The following DOCK5 variants were observed in gnomAD, a reference collection of about 807,000 sequenced individuals.
The protein encoded by DOCK5 is dedicator of cytokinesis 5.
In DOCK5, 142 loss-of-function variants were observed where a neutral mutation model predicts 251.8. The ratio of observed to expected loss-of-function variants is 0.56; its 90% confidence interval spans 0.49 to 0.65. The LOEUF is 0.65. Among genes scored for constraint, DOCK5 ranks in the 30% least tolerant of loss-of-function variants. The pLI, the probability that DOCK5 is intolerant of heterozygous loss-of-function variation, is 0.00. For synonymous variants in DOCK5, 842 were observed against 835.5 expected, an observed-to-expected ratio of 1.01 and a Z score of -0.13; for missense variants, 2,111 against 2,312.3, an observed-to-expected ratio of 0.91 and a Z score of 1.79.
rs905849926 is a variant in DOCK5 at position 25,298,930 on chromosome 8, C to G, written c.607-14C>G. On this transcript the variant is annotated splice_polypyrimidine_tract_variant and intron_variant, in intron 7 of 51. Coordinates refer to ENST00000276440, the MANE Select transcript of DOCK5 (RefSeq NM_024940.8). ...CAAAATCAAGATGTTTTTCTCTGTT[C>G]CCTCTTTGTTCAGTCAATCCTGCAG... is the stretch of plus-strand genomic sequence containing the variant. The G allele has an allele frequency of 1.3e-6, 2 of 1,581,118 alleles. No individual in the cohort carries two copies. Among genetic ancestry groups the G allele is most frequent in the Non-Finnish European group, 1.7e-6 (2 of 1,166,688 alleles).
chr8:25,281,982 G>C (rs759844178), intron 5 of DOCK5, among the ~76,000 whole-genome samples: 1 of 151,206 alleles, frequency 6.6e-6, no homozygotes, highest in Non-Finnish European at 1.5e-5. Context: ...TTTGGTATTT[G>C]TGAATAATTT....
intron 28 of DOCK5, among the ~76,000 whole-genome samples, chr8:25,360,238 G>A (rs1800652380): frequency 6.6e-6 from 1 of 152,236 alleles, no homozygotes; most frequent in Admixed American, 6.5e-5. Flanking sequence ...GGAATTGGAA[G>A]GAAAGTGCTG....
intron 1 of DOCK5, among the ~76,000 whole-genome samples, chr8:25,205,772 T>C (rs1278773122): frequency 6.6e-6 from 1 of 152,172 alleles, no homozygotes; most frequent in Non-Finnish European, 1.5e-5. Context: ...TACTGAAGAC[T>C]TGTGCAAATA....
At chr8:25,355,454 A>G (rs531530432) in intron 27 of DOCK5, among the ~76,000 whole-genome samples, 30 of 152,224 alleles carry the variant, frequency 2.0e-4, no homozygotes, top group African/African-American at 4.6e-4. Context: ...TAACCTGTTT[A>G]TTTATTTTGT....
At chr8:25,250,286 G>T (rs1223415156) in intron 2 of DOCK5, among the ~76,000 whole-genome samples, 1 of 152,182 alleles carries the variant, frequency 6.6e-6, no homozygotes, top group Non-Finnish European at 1.5e-5. Context: ...AAGCAGAACT[G>T]ACTGAGAAGC....
chr8:25,193,975 C>T (rs1455109629), intron 1 of DOCK5, among the ~76,000 whole-genome samples: 1 of 151,882 alleles, frequency 6.6e-6, no homozygotes, highest in Non-Finnish European at 1.5e-5. Flanking sequence ...CAATGAGGAT[C>T]TACTGTAGTT....
chr8:25,196,732 C>G (rs1226069382), intron 1 of DOCK5, among the ~76,000 whole-genome samples: 1 of 152,142 alleles, frequency 6.6e-6, no homozygotes, highest in Non-Finnish European at 1.5e-5. Context: ...GTTTTTCTAA[C>G]TTCTAGCTTA....
At chr8:25,206,484 C>T (rs951963470) in intron 1 of DOCK5, among the ~76,000 whole-genome samples, 2 of 152,120 alleles carry the variant, frequency 1.3e-5, no homozygotes, top group African/African-American at 4.8e-5. Flanking sequence ...CTGAAAATTC[C>T]TGAAAATGTA....
At chr8:25,200,901 T>TTTCTTA (rs1554515769) in intron 1 of DOCK5, among the ~76,000 whole-genome samples, 3 of 151,272 alleles carry the variant, frequency 2.0e-5, no homozygotes, top group Non-Finnish European at 4.4e-5. Flanking sequence ...TAAATGGCTA[T>TTTCTTA]TTCTTCTTCT....
intron 11 of DOCK5, 89 bp from the exon 12 acceptor site, chr8:25,308,694 T>C (rs918098142): frequency 7.1e-7 from 1 of 1,416,110 alleles, no homozygotes; most frequent in East Asian, 2.3e-5. Flanking sequence ...CTCCAAATTA[T>C]TCCTATATGA....
chr8:25,279,497 C>T (rs1284968114), intron 5 of DOCK5, among the ~76,000 whole-genome samples: 9 of 151,008 alleles, frequency 6.0e-5, no homozygotes, highest in Non-Finnish European at 1.2e-4. Context: ...GACGGAGTCT[C>T]ACTCTTTCGC....
chr8:25,208,957 A>T (rs56959876), intron 1 of DOCK5, among the ~76,000 whole-genome samples: 26,124 of 152,066 alleles, frequency 0.17, 3,297 homozygotes, highest in African/African-American at 0.36. Context: ...TTTGGAATTC[A>T]TGATGTTGAA....
chr8:25,311,836 C>T (rs761601364), intron 13 of DOCK5, among the ~76,000 whole-genome samples: 16 of 151,404 alleles, frequency 1.1e-4, no homozygotes, highest in Admixed American at 9.9e-4. Context: ...GCAGGAGAAT[C>T]GCTTGAGCCT....
At chr8:25,207,403 C>T (rs1802025801) in intron 1 of DOCK5, among the ~76,000 whole-genome samples, 2 of 152,160 alleles carry the variant, frequency 1.3e-5, no homozygotes, top group South Asian at 2.1e-4. Context: ...CTGTCTAGTA[C>T]TTTCATAGCT....
At chr8:25,290,803 T>C (rs1295842066) in intron 5 of DOCK5, among the ~76,000 whole-genome samples, 1 of 152,166 alleles carries the variant, frequency 6.6e-6, no homozygotes, top group Non-Finnish European at 1.5e-5. Context: ...CCCAGGGTTC[T>C]CCATGCTATC....
intron 42 of DOCK5, among the ~76,000 whole-genome samples, chr8:25,391,585 C>T (rs1382571410): frequency 6.6e-6 from 1 of 151,924 alleles, no homozygotes; most frequent in Non-Finnish European, 1.5e-5. Context: ...CTGCAGTGAG[C>T]CAAGATCGTG....
At chr8:25,400,668 C>G (rs1283330244) in intron 46 of DOCK5, among the ~76,000 whole-genome samples, 1 of 151,908 alleles carries the variant, frequency 6.6e-6, no homozygotes, top group Non-Finnish European at 1.5e-5. Context: ...ACGGAAGTGC[C>G]CCAGGACTCC....
chr8:25,231,302 TA>T (rs906107657), intron 1 of DOCK5, among the ~76,000 whole-genome samples: 2 of 152,154 alleles, frequency 1.3e-5, no homozygotes, highest in African/African-American at 4.8e-5. Flanking sequence ...CCATGGACAT[TA>T]GGGGTGAATC....
In DOCK5 at chr8:25,413,004, TTGGAATTAAACCCATTTGG is replaced by T. The variant is rs1014762146; in HGVS notation, c.*1727_*1745del. The T allele has an allele frequency of 8.5e-5, 13 of 152,172 alleles. No individual in the cohort carries two copies. The highest frequency in any genetic ancestry group is 1.6e-4 in the Non-Finnish European group (11 of 68,024). 9.4% of individuals were successfully genotyped at this position (152,172 alleles called of 1,614,324 possible). On this transcript the variant is annotated 3_prime_UTR_variant, in exon 52 of 52. Coordinates refer to ENST00000276440, the MANE Select transcript of DOCK5 (RefSeq NM_024940.8). ...TGCTAGCATGGAAGAATCATGGGCT[TTGGAATTAAACCCATTTGG>T]TGGAATTAAACCCATTTGGTTTCAA...
Sources: allele counts gnomAD v4.1 joint callset (sites outside exome capture counted in the v4.1 genomes callset), GRCh38; gene constraint gnomAD v4.1.1; transcripts MANE v1.5; gene names NCBI Gene and HGNC (gene_info 2026-07-23, HGNC 2026-07-21).